Variants in FUT8 observed in about 807,000 individuals in gnomAD.
FUT8 encodes alpha-(1,6)-fucosyltransferase.
In FUT8, 29 loss-of-function variants were observed where a neutral mutation model predicts 71.3. That is an observed-to-expected ratio of 0.41 (90% confidence interval 0.30 to 0.55). The LOEUF is 0.55. Among genes scored for constraint, FUT8 ranks in the 20% least tolerant of loss-of-function variants. The pLI, the probability that FUT8 is intolerant of heterozygous loss-of-function variation, is 0.34. For synonymous variants in FUT8, 254 were observed against 239.3 expected, an observed-to-expected ratio of 1.06 and a Z score of -0.57; for missense variants, 544 against 702.1, an observed-to-expected ratio of 0.77 and a Z score of 2.55.
intron 3 of FUT8, among the ~76,000 whole-genome samples, chr14:65,585,575 C>A (rs2140125547): frequency 6.6e-6 from 1 of 152,218 alleles, no homozygotes; most frequent in Non-Finnish European, 1.5e-5. Context: ...ACATGTACTT[C>A]TAAAAGTATG....
At chr14:65,404,752 C>T in the FUT8 span, among the ~76,000 whole-genome samples, 4 of 152,140 alleles carry the variant, frequency 2.6e-5, no homozygotes, top group African/African-American at 9.7e-5. Context: ...GGATTACAGG[C>T]GTGAGCTGCT....
chr14:65,629,274 A>G (rs866296129), intron 5 of FUT8, among the ~76,000 whole-genome samples: 17 of 152,240 alleles, frequency 1.1e-4, no homozygotes, highest in African/African-American at 3.9e-4. Flanking sequence ...CAAAAAAAGT[A>G]TATTTTCTCA....
the FUT8 span, among the ~76,000 whole-genome samples, chr14:65,367,178 T>C: frequency 6.6e-6 from 1 of 152,310 alleles, no homozygotes; most frequent in African/African-American, 2.4e-5. Context: ...CCCCATGGGA[T>C]GGAGCAGTGT....
chr14:65,537,835 T>C (rs998856747), intron 2 of FUT8, among the ~76,000 whole-genome samples: 6 of 152,240 alleles, frequency 3.9e-5, no homozygotes, highest in Non-Finnish European at 7.3e-5. Context: ...ACATGGGTTC[T>C]GTGAACTGTT....
chr14:65,458,500 A>G (rs1235227074), intron 2 of FUT8, among the ~76,000 whole-genome samples: 1 of 152,186 alleles, frequency 6.6e-6, no homozygotes, highest in Non-Finnish European at 1.5e-5. Context: ...TTGAAACCCT[A>G]TTTGAATATT....
intron 2 of FUT8, among the ~76,000 whole-genome samples, chr14:65,534,479 A>G (rs1342132823): frequency 6.7e-6 from 1 of 149,142 alleles, no homozygotes; most frequent in Non-Finnish European, 1.5e-5. Flanking sequence ...TTTAGTAGGT[A>G]TGGTACTAGC....
rs1391148925 is a variant in FUT8 at position 65,638,513 on chromosome 14, GA to G, written c.597+8908del. Reference sequence around the variant, plus strand: ...ATTTCACTTTTTAAATGAGGATAGGGATTTTTTTTCATTCAAAAATAAGTTT... The same window carrying G: ...ATTTCACTTTTTAAATGAGGATAGGGTTTTTTTTCATTCAAAAATAAGTTT... On this transcript the variant is annotated intron_variant, in intron 6 of 10. Transcript: ENST00000673929. The surrounding 1 kb of genome is among the most constrained non-coding windows in gnomAD (Gnocchi z 4.5). Among the ~76,000 whole-genome samples, 1 of 152,064 alleles carries G rather than the reference GA, an allele frequency of 6.6e-6. No individual in the cohort carries two copies. The highest frequency in any genetic ancestry group is 6.5e-5 in the Admixed American group (1 of 15,272).
chr14:65,476,405 G>A (rs2066240090), intron 2 of FUT8, among the ~76,000 whole-genome samples: 1 of 152,188 alleles, frequency 6.6e-6, no homozygotes, highest in Non-Finnish European at 1.5e-5. Context: ...CTAAAAGATT[G>A]AATTTGATGT....
the FUT8 span, among the ~76,000 whole-genome samples, chr14:65,390,873 G>A: frequency 6.6e-6 from 1 of 151,928 alleles, no homozygotes; most frequent in Non-Finnish European, 1.5e-5. Context: ...ACAGGCACAC[G>A]CCACATTAGC....
At chr14:65,621,060 T>A (rs963698815) in intron 5 of FUT8, among the ~76,000 whole-genome samples, 1 of 152,210 alleles carries the variant, frequency 6.6e-6, no homozygotes, top group African/African-American at 2.4e-5. Context: ...GTAGTTCTAA[T>A]TCTGTTTTGC....
intron 2 of FUT8, among the ~76,000 whole-genome samples, chr14:65,457,043 C>T (rs2065903321): frequency 6.6e-6 from 1 of 151,922 alleles, no homozygotes; most frequent in African/African-American, 2.4e-5. Flanking sequence ...GAATTATTCT[C>T]TTCCCTAGCT....
chr14:65,594,513 T>C (rs535116275), intron 3 of FUT8, among the ~76,000 whole-genome samples: 5 of 152,292 alleles, frequency 3.3e-5, no homozygotes, highest in South Asian at 2.1e-4. Context: ...CCTCATTGCA[T>C]TGGGTGGCTG....
chr14:65,596,507 G>T (rs1408582743), intron 3 of FUT8, among the ~76,000 whole-genome samples: 2 of 152,110 alleles, frequency 1.3e-5, no homozygotes, highest in Non-Finnish European at 2.9e-5. Context: ...TACATGATCA[G>T]CTATTTTAAT....
chr14:65,518,599 C>T lies in FUT8; in HGVS notation c.-227-42738C>T, dbSNP rs117571655. ...AGAGTGTAGTGGCTTGATCTTGGCT[C>T]ACTGCAATCTCTCCTCCTGGGTTCA... is the stretch of plus-strand genomic sequence containing the variant. On this transcript the variant is annotated intron_variant, in intron 2 of 10. Coordinates refer to ENST00000673929, the MANE Select transcript of FUT8 (RefSeq NM_001371533.1). Among the ~76,000 whole-genome samples, 877 of 152,248 alleles carry T rather than the reference C, an allele frequency of 5.8e-3. 34 individuals carry two copies. The East Asian group carries it at 0.093, about 16-fold the overall frequency.
At chr14:65,479,365 C>G (rs1287323763) in intron 2 of FUT8, among the ~76,000 whole-genome samples, 1 of 152,196 alleles carries the variant, frequency 6.6e-6, no homozygotes, top group East Asian at 1.9e-4. Flanking sequence ...AAATCCCCTG[C>G]AGAAAGGTTG....
At chr14:65,361,153 C>A in the FUT8 span, among the ~76,000 whole-genome samples, 1 of 151,864 alleles carries the variant, frequency 6.6e-6, no homozygotes, top group South Asian at 2.1e-4. Flanking sequence ...GTCAGGAGTT[C>A]GAGACCAGTC....
intron 2 of FUT8, among the ~76,000 whole-genome samples, chr14:65,474,979 G>A (rs1425762333): frequency 2.0e-5 from 3 of 152,148 alleles, no homozygotes; most frequent in Non-Finnish European, 4.4e-5. Context: ...GTGAGCCACC[G>A]CACCTGGCTG....
intron 3 of FUT8, among the ~76,000 whole-genome samples, chr14:65,611,272 CACACACACACACACACACACACACA>C (rs1888961848): frequency 1.5e-5 from 1 of 66,044 alleles, no homozygotes; most frequent in Admixed American, 1.6e-4. Flanking sequence ...CACACACACA[CACACACACACACACACACACACACA>C]CACACCCCCC....
intron 1 of FUT8, among the ~76,000 whole-genome samples, chr14:65,454,933 G>T (rs1266399744): frequency 6.6e-6 from 1 of 152,214 alleles, no homozygotes; most frequent in Non-Finnish European, 1.5e-5. Context: ...GCATGAGATG[G>T]TGCATGTATA....
Sources: allele counts gnomAD v4.1 joint callset (sites outside exome capture counted in the v4.1 genomes callset), GRCh38; gene constraint gnomAD v4.1.1; non-coding constraint Gnocchi (gnomAD v3.1); transcripts MANE v1.5; gene names NCBI Gene and HGNC (gene_info 2026-07-23, HGNC 2026-07-21).